The following SMURF1 variants were observed in gnomAD, a reference collection of about 807,000 sequenced individuals.
The protein encoded by SMURF1 is SMAD specific E3 ubiquitin protein ligase 1, also known as E3 ubiquitin-protein ligase SMURF1.
SMURF1 carries 44 observed loss-of-function variants against 98.0 expected under a neutral mutation model. The ratio of observed to expected loss-of-function variants is 0.45; its 90% CI spans 0.35 to 0.58. The LOEUF (loss-of-function observed/expected upper bound fraction) is 0.58, where lower values mean the gene tolerates loss of function less well. Among genes scored for constraint, SMURF1 ranks in the 20% least tolerant of loss-of-function variants. The pLI is 0.00. For synonymous variants in SMURF1, 396 were observed against 374.9 expected (o/e 1.06, Z -0.65); for missense variants, 687 against 938.4 (o/e 0.73, Z 3.50).
At chr7:99,057,632 C>T (rs1438041823) in intron 3 of SMURF1, 81 bp from the exon 4 acceptor site, 1 of 1,413,774 alleles carries the variant, frequency 7.1e-7, no homozygotes. Flanking sequence ...AGATAGAATC[C>T]TGCTCTGTTG....
chr7:99,126,642 G>A (rs978217052), intron 1 of SMURF1, among the ~76,000 whole-genome samples: 3 of 152,146 alleles, frequency 2.0e-5, no homozygotes, highest in African/African-American at 7.2e-5. Flanking sequence ...GCGACAGAGC[G>A]AGACGCCATC....
intron 1 of SMURF1, among the ~76,000 whole-genome samples, chr7:99,088,629 G>A (rs142268695): frequency 1.3e-3 from 195 of 152,276 alleles, no homozygotes; most frequent in Non-Finnish European, 2.2e-3. Flanking sequence ...AAAATGGGCT[G>A]TTCAAGCAGA....
chr7:99,060,046 G>A (rs1795992413), intron 3 of SMURF1, among the ~76,000 whole-genome samples: 1 of 151,888 alleles, frequency 6.6e-6, no homozygotes, highest in African/African-American at 2.4e-5. Flanking sequence ...AAAGTTTGAG[G>A]ATCACATGTA....
At chr7:99,059,174 C>A (rs966602030) in intron 3 of SMURF1, among the ~76,000 whole-genome samples, 1 of 151,012 alleles carries the variant, frequency 6.6e-6, no homozygotes, top group Non-Finnish European at 1.5e-5. Context: ...CCGAGGCGGG[C>A]GGATCACGAG....
chr7:99,121,911 G>A (rs1797636066), intron 1 of SMURF1, among the ~76,000 whole-genome samples: 1 of 152,210 alleles, frequency 6.6e-6, no homozygotes, highest in Non-Finnish European at 1.5e-5. Context: ...GAACCAGGGA[G>A]CGGCGAGGGG....
chr7:99,129,000 AAAAC>A (rs1270695026), intron 1 of SMURF1, among the ~76,000 whole-genome samples: 10 of 152,244 alleles, frequency 6.6e-5, no homozygotes, highest in African/African-American at 2.4e-4. Flanking sequence ...GTTTAGAACA[AAAAC>A]AAAATTGAAA....
chr7:99,040,293 ACGCGCGCGCGCG>A (rs3033104), intron 13 of SMURF1, 73 bp downstream of exon 13: 5 of 1,240,794 alleles, frequency 4.0e-6, no homozygotes, highest in Non-Finnish European at 5.3e-6. Flanking sequence ...ATACACACAC[ACGCGCGCGCGCG>A]CGCACGCGCA....
At position 99,049,561 on chromosome 7, in the gene SMURF1, A is replaced by T; in HGVS notation, c.953+2T>A. On this transcript the variant is annotated splice_donor_variant, in intron 9 of 17. Coordinates refer to ENST00000361368, the MANE Select transcript of SMURF1 (RefSeq NM_181349.3). LOFTEE classifies it high-confidence loss of function. ...CAGCAAAAAATATTTTTAAAGTCTT[A>T]CTTCATGATGTGGTGTAACCTTGGG... The T allele has an allele frequency of 1.2e-6, 2 of 1,612,536 alleles. No individual in the cohort carries two copies. Among genetic ancestry groups the T allele is most frequent in the Non-Finnish European group, 8.5e-7 (1 of 1,179,556 alleles).
chr7:99,117,903 A>G (rs1250216183), intron 1 of SMURF1, among the ~76,000 whole-genome samples: 4 of 151,906 alleles, frequency 2.6e-5, no homozygotes, highest in Non-Finnish European at 5.9e-5. Context: ...AACATGCTGA[A>G]ACCTGTCTCT....
intron 1 of SMURF1, among the ~76,000 whole-genome samples, chr7:99,134,001 A>T (rs1441429778): frequency 6.6e-6 from 1 of 152,006 alleles, no homozygotes; most frequent in Non-Finnish European, 1.5e-5. Flanking sequence ...GGAGGTAGAA[A>T]GTGAGAATGA....
rs566412986 is a variant in SMURF1, at chr7:99,040,310, C to T, written c.1550+68G>A. 70 of 1,374,408 alleles carry T rather than the reference C, an allele frequency of 5.1e-5. No homozygotes were observed. In the Middle Eastern group the frequency reaches 6.4e-4, roughly 13 times the overall value. 85.1% of individuals were successfully genotyped at this position (1,374,408 alleles called of 1,614,324 possible). ...ACACACACACGCGCGCGCGCGCGCA[C>T]GCGCATACATACGATAGACGTGGTG... On this transcript the variant is annotated intron_variant, in intron 13 of 17. Transcript: ENST00000361368.
intron 1 of SMURF1, among the ~76,000 whole-genome samples, chr7:99,113,370 T>C (rs1797364823): frequency 6.6e-6 from 1 of 152,212 alleles, no homozygotes. Context: ...AATGGAATTA[T>C]ATATTCAAAT....
At chr7:99,096,507 A>G (rs945176962) in intron 1 of SMURF1, among the ~76,000 whole-genome samples, 1 of 152,268 alleles carries the variant, frequency 6.6e-6, no homozygotes, top group African/African-American at 2.4e-5. Flanking sequence ...ACTAATCATA[A>G]GAAAGCCTGA....
At chr7:99,104,394 G>A (rs1343257151) in intron 1 of SMURF1, among the ~76,000 whole-genome samples, 1 of 152,032 alleles carries the variant, frequency 6.6e-6, no homozygotes, top group Non-Finnish European at 1.5e-5. Flanking sequence ...TCTTTATCAG[G>A]GAAAGGACAG....
In SMURF1 at chr7:99,106,681, G is replaced by A. The variant is rs189378873; in HGVS notation, c.55+37045C>T. 1.2e-4 allele frequency among the ~76,000 whole-genome samples: 19 copies of A among 152,334 alleles called. No homozygotes were observed. In the East Asian group the frequency reaches 3.7e-3, roughly 29 times the overall value. On this transcript the variant is annotated intron_variant, in intron 1 of 17. Coordinates refer to ENST00000361368, the MANE Select transcript of SMURF1 (RefSeq NM_181349.3). The stretch of plus-strand genomic sequence containing the variant: ...TGTAATCCCAACCGCTCAGGAGGCA[G>A]AGGCAGGATCGCTTGAGCCTGGGAG...
intron 1 of SMURF1, among the ~76,000 whole-genome samples, chr7:99,063,257 A>ATATATATATATATAAGATT (rs1796093028): frequency 1.8e-4 from 1 of 5,568 alleles, no homozygotes; most frequent in Non-Finnish European, 4.1e-4. Flanking sequence ...ATATATATAT[A>ATATATATATATATAAGATT]TATATATATA....
At chr7:99,051,659 A>G (rs78056393) in intron 7 of SMURF1, among the ~76,000 whole-genome samples, 1,559 of 152,064 alleles carry the variant, frequency 0.01, 22 homozygotes, top group African/African-American at 0.036. Flanking sequence ...TCTAGCCTAC[A>G]TGTTACCTTG....
rs2150628994 is a variant in SMURF1 at position 99,124,222 on chromosome 7, C to T, written c.55+19504G>A. 3.3e-5 allele frequency among the ~76,000 whole-genome samples: 5 copies of T among 152,216 alleles called. 1 individual carries two copies. The South Asian group carries it at 1.0e-3, about 32-fold the overall frequency. ...CTTTATTATTATTGTCCAAAGTCACCCCACTAGCAAGCAGCAGAGCTGTAC... is the reference window on the plus strand; with the variant it reads ...CTTTATTATTATTGTCCAAAGTCACTCCACTAGCAAGCAGCAGAGCTGTAC... On this transcript the variant is annotated intron_variant, in intron 1 of 17. Coordinates refer to ENST00000361368, the MANE Select transcript of SMURF1 (RefSeq NM_181349.3).
At chr7:99,092,797 C>T (rs192085143) in intron 1 of SMURF1, among the ~76,000 whole-genome samples, 1 of 152,170 alleles carries the variant, frequency 6.6e-6, no homozygotes, top group Non-Finnish European at 1.5e-5. Context: ...TATCTTTAAA[C>T]AGAAGCACAC....
Sources: allele counts gnomAD v4.1 joint callset (sites outside exome capture counted in the v4.1 genomes callset), GRCh38; gene constraint gnomAD v4.1.1; transcripts MANE v1.5; gene names NCBI Gene and HGNC (gene_info 2026-07-23, HGNC 2026-07-21).